MTSS2: variants seen among roughly 807,000 people sequenced by gnomAD.
MTSS2 encodes the protein protein MTSS 2.
In MTSS2, 27 loss-of-function variants were observed where a neutral mutation model predicts 67.1. That is an observed-to-expected ratio of 0.40 (90% CI 0.30 to 0.55). MTSS2 has a LOEUF of 0.55. Ranked by LOEUF, MTSS2 falls within the 20% of genes least tolerant of loss-of-function variation. The pLI is 0.43. For missense variants in MTSS2, 1,171 were observed against 1,067.8 expected, an observed-to-expected ratio of 1.10 and a Z score of -1.35; for synonymous variants, 624 against 468.6, an observed-to-expected ratio of 1.33 and a Z score of -4.28.
chr16:70,680,568 G>A (rs1567506097), intron 3 of MTSS2, among the ~76,000 whole-genome samples: 2 of 152,136 alleles, frequency 1.3e-5, no homozygotes, highest in African/African-American at 4.8e-5. Context: ...ACAGCAAAAA[G>A]GGAATCCCCG....
intron 14 of MTSS2, 63 bp downstream of exon 14, chr16:70,664,535 G>A (rs760102698): frequency 1.1e-5 from 17 of 1,583,376 alleles, no homozygotes; most frequent in Admixed American, 6.8e-5. Flanking sequence ...GGGGAAGGAC[G>A]GGGCCCTCCT....
rs750904015 is a variant in MTSS2 at position 70,663,801 on chromosome 16, G to T, written c.2120C>A (p.Thr707Lys). ...GGTGGCGGCTGGGGGTGGGGTGGGC[G>T]TCTCCTCCGTGGGGGTGGCCGACAG... ...TALSATPTEE[T>K]PTPPPAATSD... Residue 707 changes from threonine to lysine, a missense_variant, in exon 15 of 15, where the codon ACG becomes AAG. This residue lies in a region of MTSS2 where 924 missense variants were observed against 756.0 expected (regional missense o/e 1.22). Transcript: ENST00000338779. The T allele has an allele frequency of 1.3e-6, 2 of 1,520,900 alleles. No individual in the cohort carries two copies. The highest frequency in any genetic ancestry group is 2.8e-5 in the African/African-American group (2 of 72,530). 94.2% of individuals were successfully genotyped at this position (1,520,900 alleles called of 1,614,324 possible).
At position 70,686,010 on chromosome 16, in the gene MTSS2, G is replaced by C. The variant is rs1409970077; in HGVS notation, c.-219C>G. 1 of 147,490 alleles carries C rather than the reference G, an allele frequency of 6.8e-6. No individual in the cohort carries two copies. Among genetic ancestry groups the C allele is most frequent in the South Asian group, 1.8e-4 (1 of 5,570 alleles). The allele number at this position is 147,490 out of a possible 1,614,324, so 9.1% of individuals were successfully genotyped here. A position where few individuals can be genotyped will look rare whatever the true frequency, so the allele number is the denominator to read the frequency against. On this transcript the variant is annotated 5_prime_UTR_variant, in exon 1 of 15. Coordinates refer to ENST00000338779, the MANE Select transcript of MTSS2 (RefSeq NM_138383.3). ...AGCGGGGCTGGCGGGCGGCGCGGGG[G>C]GCGCGGCGCGGGCAGCTCGCGGCGC... is the stretch of plus-strand genomic sequence containing the variant.
At position 70,664,114 on chromosome 16, in the gene MTSS2, C is replaced by CG; in HGVS notation, c.1806dup (p.Gly603ArgfsTer11). On this transcript the variant is annotated frameshift_variant, in exon 15 of 15. Coordinates refer to ENST00000338779, the MANE Select transcript of MTSS2 (RefSeq NM_138383.3). LOFTEE classifies it low-confidence loss of function (END_TRUNC). ...CCCGCCCGTGTGGGCCCCATGTAGC[C>CG]GGGGGAGTCAGGCACCGTGGGCGTC... 6.2e-7 allele frequency: 1 copy of CG among 1,611,686 alleles called. No individual in the cohort carries two copies.
At position 70,674,337 on chromosome 16, in the gene MTSS2, G is replaced by C; in HGVS notation, c.1022C>G (p.Pro341Arg). The C allele has an allele frequency of 6.2e-7, 1 of 1,613,980 alleles. No individual in the cohort carries two copies. The highest frequency in any genetic ancestry group is 8.5e-7 in the Non-Finnish European group (1 of 1,179,986). The change falls in exon 11 of 15, where the codon CCC (proline) becomes CGC (arginine). Residue 341 changes from proline (P) to arginine (R), a missense_variant. By Grantham distance (103) the Pro-to-Arg change is moderately radical. Coordinates refer to ENST00000338779, the MANE Select transcript of MTSS2 (RefSeq NM_138383.3). The part of the protein sequence containing the change: ...VSQDATYSKP[P>R]SPMPSDITSQ... ...GGTGATGTCTGAAGGCATAGGCGAG[G>C]GGGGCTTGGAGTAGGTGGCGTCCTG... is the stretch of plus-strand genomic sequence containing the variant.
At chr16:70,670,929 C>T (rs1448670723) in intron 11 of MTSS2, among the ~76,000 whole-genome samples, 1 of 140,980 alleles carries the variant, frequency 7.1e-6, no homozygotes, top group Non-Finnish European at 1.5e-5. Flanking sequence ...AGGATTGTGC[C>T]ACTGCACTCC....
chr16:70,678,607 G>GAC (rs925032484), intron 7 of MTSS2, among the ~76,000 whole-genome samples, 198 bp from the exon 8 acceptor site: 10 of 152,228 alleles, frequency 6.6e-5, no homozygotes, highest in Non-Finnish European at 1.0e-4. Context: ...AGAGAGGACA[G>GAC]ACACACACAC....
chr16:70,661,731 G>A lies in MTSS2; in HGVS notation c.*1946C>T, dbSNP rs1325387766. The A allele has an allele frequency of 1.4e-5, 3 of 219,950 alleles. No homozygotes were observed. Among genetic ancestry groups the A allele is most frequent in the South Asian group, 6.0e-5 (1 of 16,600 alleles). The allele number at this position is 219,950 out of a possible 1,614,324, so 13.6% of individuals were successfully genotyped here. On this transcript the variant is annotated 3_prime_UTR_variant, in exon 15 of 15. Transcript: ENST00000338779. ...GGGAGGGGGACGGCGGAGTCGGTGG[G>A]GGCTGTGCCACACGAGCCCCCCTCT...
In MTSS2 at chr16:70,661,599, G is replaced by GGGT. The variant is rs1303535589; in HGVS notation, c.*2075_*2077dup. On this transcript the variant is annotated 3_prime_UTR_variant, in exon 15 of 15. Transcript: ENST00000338779. ...GGATGGTTGGCTCGGATCCCGAGGTGGGTGGGCCTATGAGGTGGTTGCTAA... is the reference window on the plus strand; with the variant it reads ...GGATGGTTGGCTCGGATCCCGAGGTGGGTGGTGGGCCTATGAGGTGGTTGCTAA... The GGGT allele has an allele frequency of 1.4e-5, 5 of 352,856 alleles. No homozygotes were observed. The highest frequency in any genetic ancestry group is 1.1e-4 in the African/African-American group (5 of 46,472). 21.9% of individuals were successfully genotyped at this position (352,856 alleles called of 1,614,324 possible).
rs201486872 is a variant in MTSS2 at position 70,674,525 on chromosome 16, G to T, written c.834C>A (p.Ala278=). Residue 278 remains alanine (A), a synonymous_variant, in exon 11 of 15, where the codon GCC becomes GCA. Transcript: ENST00000338779. ...CCTTGGCACTGCTACTGCTGCTGGG[G>T]GCACTAGGGGAGTGAAGGAAGAGGG... ...SSSRKSSMCS[A]PSSSSSAKGG... The T allele has an allele frequency of 1.2e-6, 2 of 1,612,592 alleles. No homozygotes were observed. Among genetic ancestry groups the T allele is most frequent in the Non-Finnish European group, 1.7e-6 (2 of 1,179,834 alleles).
chr16:70,664,033 G>A lies in MTSS2; in HGVS notation c.1888C>T (p.Leu630Phe). 6.2e-7 allele frequency: 1 copy of A among 1,608,480 alleles called. No homozygotes were observed. The highest frequency in any genetic ancestry group is 8.5e-7 in the Non-Finnish European group (1 of 1,178,208). Residue 630 changes from leucine to phenylalanine, a missense_variant, in exon 15 of 15, where the codon CTC becomes TTC. By Grantham distance (22) the Leu-to-Phe change is conservative. Around this residue, in one of 2 missense-constraint regions of MTSS2, gnomAD observed 924 missense variants for 756.0 expected, o/e 1.22. Coordinates refer to ENST00000338779, the MANE Select transcript of MTSS2 (RefSeq NM_138383.3). ...DETASPLAPD[L>F]AKASPKRLSL... The stretch of plus-strand genomic sequence containing the variant: ...AGCCTCTTTGGGGAGGCCTTGGCGA[G>A]GTCCGGTGCCAGGGGTGAGGCGGTC...
At chr16:70,671,523 G>T (rs972688120) in intron 11 of MTSS2, among the ~76,000 whole-genome samples, 1 of 152,110 alleles carries the variant, frequency 6.6e-6, no homozygotes, top group Admixed American at 6.5e-5. Flanking sequence ...ATAAATGGGG[G>T]AGAAGGGACA....
Position 70,664,191 on chromosome 16 carries a change from G to T in MTSS2, c.1730C>A (p.Ala577Asp). The T allele has an allele frequency of 1.3e-6, 2 of 1,599,094 alleles. No homozygotes were observed. Among genetic ancestry groups the T allele is most frequent in the Non-Finnish European group, 1.7e-6 (2 of 1,176,734 alleles). ...GGGGATGGGGCCAGCGCTGGACAGG[G>T]CGCGGCGCACGGTGGGCTTGGTGGA... ...TPSTKPTVRR[A>D]LSSAGPIPIR... Residue 577 changes from alanine (A) to aspartate (D), a missense_variant, in exon 15 of 15, where the codon GCC (alanine) becomes GAC (aspartate). Transcript: ENST00000338779.
At chr16:70,666,529 G>A (rs1323819886) in intron 11 of MTSS2, among the ~76,000 whole-genome samples, 2 of 152,220 alleles carry the variant, frequency 1.3e-5, no homozygotes, top group Non-Finnish European at 2.9e-5. Flanking sequence ...GTGAGGTGTT[G>A]GCCTGGGAAT....
At chr16:70,679,140 A>AGGGGCCCCG (rs1321827749) in intron 7 of MTSS2, among the ~76,000 whole-genome samples, 175 bp downstream of exon 7, 1 of 152,000 alleles carries the variant, frequency 6.6e-6, no homozygotes, top group East Asian at 1.9e-4. Flanking sequence ...ATCCCTGGCC[A>AGGGGCCCCG]GGGACCCCGG....
At chr16:70,666,378 GC>G (rs1168216132) in intron 11 of MTSS2, among the ~76,000 whole-genome samples, 1 of 152,124 alleles carries the variant, frequency 6.6e-6, no homozygotes, top group Non-Finnish European at 1.5e-5. Flanking sequence ...GTTCTGCGAG[GC>G]CCCCCACTCC....
intron 12 of MTSS2, 158 bp from the exon 13 acceptor site, chr16:70,665,254 C>T: frequency 1.0e-6 from 1 of 963,888 alleles, no homozygotes; most frequent in East Asian, 2.6e-5. Context: ...TGACTGTGGC[C>T]CCTCAGTCCC....
Position 70,679,617 on chromosome 16 carries a change from C to G in MTSS2, c.457+13G>C. On this transcript the variant is annotated intron_variant, in intron 6 of 14. Transcript: ENST00000338779. ...CCGTGGGGCTGTGGCTGGGGGGCCGCGCCAGGCACTACCTTTGCGCGCCTT... is the reference window on the plus strand; with the variant it reads ...CCGTGGGGCTGTGGCTGGGGGGCCGGGCCAGGCACTACCTTTGCGCGCCTT... The G allele has an allele frequency of 6.3e-7, 1 of 1,589,174 alleles. No homozygotes were observed. Among genetic ancestry groups the G allele is most frequent in the South Asian group, 1.1e-5 (1 of 87,892 alleles).
chr16:70,680,553 A>C (rs1189775777), intron 3 of MTSS2, among the ~76,000 whole-genome samples: 1 of 152,144 alleles, frequency 6.6e-6, no homozygotes, highest in East Asian at 1.9e-4. Flanking sequence ...TCACATGAAC[A>C]GCCCACAGCA....
Sources: gnomAD v4.1 joint callset for allele counts (sites outside exome capture counted in the v4.1 genomes callset) on GRCh38, gnomAD v4.1.1 for gene constraint, gnomAD v4.1.1 regional missense constraint, MANE v1.5 for transcripts, NCBI Gene and HGNC (gene_info 2026-07-23, HGNC 2026-07-21) for gene names.